CEP83: variants seen among roughly 807,000 people sequenced by gnomAD.
CEP83 encodes the protein centrosomal protein of 83 kDa.
Under a neutral mutation model 101.9 loss-of-function variants are expected in CEP83, and 70 were observed. That is an observed-to-expected ratio of 0.69 (90% confidence interval 0.57 to 0.84). The LOEUF is 0.84. Among genes scored for constraint, CEP83 ranks in the 40% least tolerant of loss-of-function variants. The probability of loss-of-function intolerance (pLI) is 0.00; values close to 1 mark genes in which losing one functional copy is unlikely to be tolerated. For synonymous variants in CEP83, 264 were observed against 267.9 expected, an observed-to-expected ratio of 0.99 and a Z score of 0.14; for missense variants, 715 against 787.2, an observed-to-expected ratio of 0.91 and a Z score of 1.10.
rs371625279 is a variant in CEP83 at position 94,422,844 on chromosome 12, T to C, written c.-101-10253A>G. Among the ~76,000 whole-genome samples the C allele has an allele frequency of 2.0e-5, 3 of 152,366 alleles. No individual in the cohort carries two copies. The East Asian group carries it at 5.8e-4, about 29-fold the overall frequency. On this transcript the variant is annotated intron_variant, in intron 2 of 16. Transcript: ENST00000397809. ...ATTTAAATATAACACATATTGTTTA[T>C]CCATTCTCCTGCTGATGCGCATTTG...
intron 11 of CEP83, among the ~76,000 whole-genome samples, chr12:94,339,552 T>C (rs546670467): frequency 1.3e-5 from 2 of 152,308 alleles, no homozygotes; most frequent in African/African-American, 4.8e-5. Flanking sequence ...TAATATCATA[T>C]TGGGCAGCAA....
At chr12:94,349,481 A>C (rs2060104562) in intron 11 of CEP83, among the ~76,000 whole-genome samples, 1 of 152,250 alleles carries the variant, frequency 6.6e-6, no homozygotes, top group Admixed American at 6.5e-5. Flanking sequence ...TTTTGCACCA[A>C]CCTAATAATA....
At chr12:94,399,832 A>C (rs189018298) in intron 6 of CEP83, among the ~76,000 whole-genome samples, 46 of 152,314 alleles carry the variant, frequency 3.0e-4, no homozygotes, top group African/African-American at 1.1e-3. Flanking sequence ...AGCTATAAAG[A>C]GTTTTTTTTA....
chr12:94,342,971 C>A (rs2059751262), intron 11 of CEP83, among the ~76,000 whole-genome samples: 1 of 151,950 alleles, frequency 6.6e-6, no homozygotes, highest in African/African-American at 2.4e-5. Context: ...TTTAATATAT[C>A]ATTCTTTGTA....
intron 4 of CEP83, among the ~76,000 whole-genome samples, chr12:94,410,028 A>G (rs2063782374): frequency 6.6e-6 from 1 of 152,202 alleles, no homozygotes; most frequent in African/African-American, 2.4e-5. Context: ...TCAACCCATA[A>G]TAGATTCAAA....
intron 6 of CEP83, among the ~76,000 whole-genome samples, chr12:94,389,795 C>G (rs928311904): frequency 6.6e-6 from 1 of 152,214 alleles, no homozygotes; most frequent in African/African-American, 2.4e-5. Context: ...GTCTTAGCAA[C>G]CAGCAAACAA....
At chr12:94,421,568 C>T (rs553657048) in intron 2 of CEP83, among the ~76,000 whole-genome samples, 1 of 152,190 alleles carries the variant, frequency 6.6e-6, no homozygotes, top group South Asian at 2.1e-4. Flanking sequence ...TATTCATGTG[C>T]TTGTTTATAG....
rs117311107 is a variant in CEP83, at chr12:94,376,560, G to T, written c.802-543C>A. Reference sequence around the variant, plus strand: ...TTGATCTCATGACACAATTAAGATTGTTAATGAAGTCTGCAGGTTGTCAAA... The same window carrying T: ...TTGATCTCATGACACAATTAAGATTTTTAATGAAGTCTGCAGGTTGTCAAA... On this transcript the variant is annotated intron_variant, in intron 7 of 16. Transcript: ENST00000397809. 5.3e-5 allele frequency among the ~76,000 whole-genome samples: 8 copies of T among 151,966 alleles called. No individual in the cohort carries two copies. In the East Asian group the frequency reaches 7.7e-4, roughly 15 times the overall value.
chr12:94,299,322 G>T, the CEP83 span, among the ~76,000 whole-genome samples: 1 of 152,172 alleles, frequency 6.6e-6, no homozygotes, highest in Non-Finnish European at 1.5e-5. Context: ...TGCCTCCTCA[G>T]TAAAGAAATG....
chr12:94,331,586 G>A, intron 14 of CEP83, 114 bp downstream of exon 14: 1 of 838,768 alleles, frequency 1.2e-6, no homozygotes, highest in Non-Finnish European at 1.9e-6. Flanking sequence ...AGCCAGGATG[G>A]TCTCAATGAT....
At chr12:94,272,774 C>T in the CEP83 span, among the ~76,000 whole-genome samples, 1 of 152,192 alleles carries the variant, frequency 6.6e-6, no homozygotes, top group Non-Finnish European at 1.5e-5. Context: ...TGAACAGAAG[C>T]TCTGTAAAAA....
the CEP83 span, among the ~76,000 whole-genome samples, chr12:94,296,855 T>C: frequency 2.0e-5 from 3 of 152,208 alleles, no homozygotes; most frequent in African/African-American, 7.2e-5. Context: ...CTGGGTCTTA[T>C]TCATTGCTAT....
intron 1 of CEP83, among the ~76,000 whole-genome samples, chr12:94,445,359 T>A (rs546693080): frequency 6.6e-6 from 1 of 151,986 alleles, no homozygotes; most frequent in East Asian, 1.9e-4. Flanking sequence ...GAGGCCTGAA[T>A]TAAAAACCTA....
At chr12:94,295,792 A>G in the CEP83 span, among the ~76,000 whole-genome samples, 1 of 152,136 alleles carries the variant, frequency 6.6e-6, no homozygotes, top group African/African-American at 2.4e-5. Flanking sequence ...GCCTGCTCTC[A>G]TTGGGTTCCT....
chr12:94,299,571 T>G, the CEP83 span, among the ~76,000 whole-genome samples: 8 of 149,296 alleles, frequency 5.4e-5, no homozygotes, highest in South Asian at 2.1e-4. Flanking sequence ...TAGCCTCTTT[T>G]TTTTTGAGAC....
rs1004319195 is a variant in CEP83 at position 94,411,637 on chromosome 12, A to C, written c.324+60T>G. On this transcript the variant is annotated intron_variant, in intron 4 of 16. Coordinates refer to ENST00000397809, the MANE Select transcript of CEP83 (RefSeq NM_016122.3). Reference sequence around the variant, plus strand: ...ATTGCCATATTCACCAAAACTACTTACTTCCACTACGTATCTGACTGCTTT... The same window carrying C: ...ATTGCCATATTCACCAAAACTACTTCCTTCCACTACGTATCTGACTGCTTT... 2.3e-6 allele frequency: 3 copies of C among 1,296,602 alleles called. No individual in the cohort carries two copies. The African/African-American group carries it at 4.5e-5, about 19-fold the overall frequency. 80.3% of individuals were successfully genotyped at this position (1,296,602 alleles called of 1,614,324 possible).
At position 94,377,018 on chromosome 12, in the gene CEP83, G is replaced by A. The variant is rs568475198; in HGVS notation, c.802-1001C>T. 9.2e-5 allele frequency among the ~76,000 whole-genome samples: 14 copies of A among 152,158 alleles called. No homozygotes were observed. The South Asian group carries it at 2.9e-3, about 32-fold the overall frequency. On this transcript the variant is annotated intron_variant, in intron 7 of 16. Transcript: ENST00000397809. ...AGCCTCCCAAACTGCTGGGATTACA[G>A]GCATAAGCGACCACACCTGACCTCA...
chr12:94,378,183 G>T (rs2061650468), intron 7 of CEP83, among the ~76,000 whole-genome samples: 1 of 152,116 alleles, frequency 6.6e-6, no homozygotes, highest in Non-Finnish European at 1.5e-5. Flanking sequence ...TAAGAACTAA[G>T]AAGAATAAGT....
chr12:94,312,785 G>T, intron 15 of CEP83, 129 bp downstream of exon 15: 1 of 1,272,748 alleles, frequency 7.9e-7, no homozygotes. Flanking sequence ...TACATTAGGA[G>T]TTATCAAGCT....
Sources: allele counts gnomAD v4.1 joint callset (sites outside exome capture counted in the v4.1 genomes callset), GRCh38; gene constraint gnomAD v4.1.1; transcripts MANE v1.5; gene names NCBI Gene and HGNC (gene_info 2026-07-23, HGNC 2026-07-21).